Variants in DOCK2 observed in about 807,000 individuals in gnomAD.
The protein encoded by DOCK2 is dedicator of cytokinesis 2, also known as dedicator of cytokinesis protein 2.
In DOCK2, 87 loss-of-function variants were observed where a neutral mutation model predicts 248.9. The observed-to-expected ratio is 0.35, with a 90% CI of 0.29 to 0.42. The LOEUF (loss-of-function observed/expected upper bound fraction) is 0.42, where lower values mean the gene tolerates loss of function less well. Among genes scored for constraint, DOCK2 ranks in the 10% least tolerant of loss-of-function variants. The pLI is 1.00. For missense variants in DOCK2, 1,747 were observed against 2,300.2 expected, an observed-to-expected ratio of 0.76 and a Z score of 4.92; for synonymous variants, 805 against 821.6, an observed-to-expected ratio of 0.98 and a Z score of 0.35.
chr5:169,941,042 G>A (rs1278975525), intron 27 of DOCK2, among the ~76,000 whole-genome samples: 1 of 152,316 alleles, frequency 6.6e-6, no homozygotes, highest in East Asian at 1.9e-4. Flanking sequence ...CATGAAGTGT[G>A]CTTCAGTGGG....
chr5:169,681,685 T>G (rs889899328), intron 6 of DOCK2, 59 bp from the exon 7 acceptor site: 8 of 1,587,884 alleles, frequency 5.0e-6, no homozygotes, highest in Non-Finnish European at 6.9e-6. Flanking sequence ...AAAAAGCTTC[T>G]CACCAGTGAC....
chr5:170,026,872 C>T (rs905609293), intron 33 of DOCK2, among the ~76,000 whole-genome samples: 1 of 152,142 alleles, frequency 6.6e-6, no homozygotes, highest in African/African-American at 2.4e-5. Context: ...CTCTCTGAGA[C>T]CTGACATTTG....
chr5:169,659,035 G>A (rs1758297957), intron 2 of DOCK2, among the ~76,000 whole-genome samples: 1 of 129,170 alleles, frequency 7.7e-6, no homozygotes, highest in African/African-American at 2.8e-5. Context: ...TATTATTATT[G>A]AGATGGGGGT....
chr5:169,853,368 C>T (rs1262752223), intron 27 of DOCK2, among the ~76,000 whole-genome samples: 2 of 152,220 alleles, frequency 1.3e-5, no homozygotes, highest in Admixed American at 6.5e-5. Flanking sequence ...AGGCCCATCG[C>T]CCCCGTCCAG....
rs779499230 is a variant in DOCK2 at position 169,698,373 on chromosome 5, G to C, written c.980-1G>C. 6.2e-7 allele frequency: 1 copy of C among 1,613,858 alleles called. No individual in the cohort carries two copies. Among genetic ancestry groups the C allele is most frequent in the Non-Finnish European group, 8.5e-7 (1 of 1,179,788 alleles). ...ATTAATTCATTCTGTCTTCTTTCTA[G>C]TTATGGATATAACAGACATCATCAA... On this transcript the variant is annotated splice_acceptor_variant, in intron 10 of 51. Transcript: ENST00000520908. LOFTEE classifies it high-confidence loss of function.
intron 22 of DOCK2, among the ~76,000 whole-genome samples, chr5:169,727,429 A>G (rs1005802127): frequency 1.3e-5 from 2 of 152,144 alleles, no homozygotes; most frequent in Admixed American, 6.5e-5. Flanking sequence ...CACGAATGTC[A>G]TGTTTGTGGA....
chr5:170,020,367 G>T (rs375027756), intron 33 of DOCK2, among the ~76,000 whole-genome samples: 2 of 152,114 alleles, frequency 1.3e-5, no homozygotes, highest in East Asian at 1.9e-4. Context: ...CCTGTTATTT[G>T]ATGTCTAAGG....
At chr5:170,058,062 A>C (rs1462573410) in intron 44 of DOCK2, among the ~76,000 whole-genome samples, 4 of 152,172 alleles carry the variant, frequency 2.6e-5, no homozygotes, top group African/African-American at 9.7e-5. Flanking sequence ...TCCATTTTAT[A>C]GTTGGAAAAA....
At chr5:169,872,444 TA>T (rs1362735947) in intron 27 of DOCK2, among the ~76,000 whole-genome samples, 1 of 152,236 alleles carries the variant, frequency 6.6e-6, no homozygotes, top group Non-Finnish European at 1.5e-5. Flanking sequence ...GCTCATTTTT[TA>T]TAGGGTTTAA....
intron 40 of DOCK2, 51 bp downstream of exon 40, chr5:170,047,665 A>C (rs1238614037): frequency 6.6e-7 from 1 of 1,513,038 alleles, no homozygotes; most frequent in Non-Finnish European, 9.2e-7. Context: ...GGGCCTCGGC[A>C]TCTCAGCGGT....
chr5:169,934,159 G>A (rs1414393257), intron 27 of DOCK2, among the ~76,000 whole-genome samples: 1 of 152,154 alleles, frequency 6.6e-6, no homozygotes, highest in African/African-American at 2.4e-5. Context: ...CCAATTAGGG[G>A]TTGGCAGTAA....
chr5:169,720,089 C>T lies in DOCK2; in HGVS notation c.2267+1298C>T, dbSNP rs4867881. Among the ~76,000 whole-genome samples, 328 of 152,298 alleles carry T rather than the reference C, an allele frequency of 2.2e-3. 1 individual carries two copies. The highest frequency in any genetic ancestry group is 3.7e-3 in the Non-Finnish European group (253 of 68,026). On this transcript the variant is annotated intron_variant, in intron 22 of 51. Coordinates refer to ENST00000520908, the MANE Select transcript of DOCK2 (RefSeq NM_004946.3). ...AAAGATGTGAGTGTCTTGAACCATG[C>T]GACAGAACAAATGCACTTAGGTCAT...
intron 25 of DOCK2, among the ~76,000 whole-genome samples, chr5:169,774,669 A>C (rs1765278184): frequency 1.3e-5 from 2 of 152,348 alleles, no homozygotes; most frequent in African/African-American, 4.8e-5. Context: ...AAATGAGTGA[A>C]GGGGCAGGGT....
At position 170,077,744 on chromosome 5, in the gene DOCK2, G is replaced by C; in HGVS notation, c.4901G>C (p.Arg1634Thr). The change falls in exon 48 of 52, where the codon AGG (arginine) becomes ACG (threonine). Residue 1634 changes from arginine to threonine, a missense_variant. Arg to Thr is a moderately conservative substitution (Grantham distance 71). Around this residue, in one of 4 missense-constraint regions of DOCK2, gnomAD observed 513 missense variants for 586.1 expected, o/e 0.88. Coordinates refer to ENST00000520908, the MANE Select transcript of DOCK2 (RefSeq NM_004946.3). ...DFDDRRVGRP[R>T]SMLRSYRQMS... ...GACGACAGGAGAGTGGGCCGTCCCA[G>C]GTCTATGCTGCGCTCATACAGACAG... 1 of 1,613,868 alleles carries C rather than the reference G, an allele frequency of 6.2e-7. No homozygotes were observed. Among genetic ancestry groups the C allele is most frequent in the East Asian group, 2.2e-5 (1 of 44,856 alleles).
intron 34 of DOCK2, chr5:170,028,643 A>G (rs2113832024): frequency 6.5e-6 from 1 of 152,954 alleles, no homozygotes; most frequent in South Asian, 2.1e-4. Flanking sequence ...GACTCTTAGT[A>G]TGTTCACAGA....
intron 25 of DOCK2, among the ~76,000 whole-genome samples, chr5:169,797,096 T>C (rs1450839584): frequency 6.6e-6 from 1 of 152,194 alleles, no homozygotes; most frequent in African/African-American, 2.4e-5. Flanking sequence ...CATAACTTCA[T>C]GATGGATTAG....
At chr5:169,735,122 T>A (rs2113639884) in intron 22 of DOCK2, among the ~76,000 whole-genome samples, 1 of 152,344 alleles carries the variant, frequency 6.6e-6, no homozygotes, top group Admixed American at 6.5e-5. Context: ...GTCAGAGTGA[T>A]CTTTCCACAG....
At chr5:170,067,730 G>C in intron 45 of DOCK2, 44 bp downstream of exon 45, 1 of 1,603,776 alleles carries the variant, frequency 6.2e-7, no homozygotes, top group Non-Finnish European at 8.5e-7. Flanking sequence ...TCGGTGAGCA[G>C]AGCAGTGGTG....
At chr5:169,755,786 G>C (rs2113719499) in intron 23 of DOCK2, among the ~76,000 whole-genome samples, 1 of 152,184 alleles carries the variant, frequency 6.6e-6, no homozygotes, top group Middle Eastern at 3.4e-3. Context: ...TAATAGAAGA[G>C]TGAAACTCAG....
Sources: allele counts gnomAD v4.1 joint callset (sites outside exome capture counted in the v4.1 genomes callset), GRCh38; gene constraint gnomAD v4.1.1; regional missense constraint gnomAD v4.1.1; transcripts MANE v1.5; gene names NCBI Gene and HGNC (gene_info 2026-07-23, HGNC 2026-07-21).